SBF2: variants seen among roughly 807,000 people sequenced by gnomAD.
The protein encoded by SBF2 is SET binding factor 2.
Under a neutral mutation model 225.2 loss-of-function variants are expected in SBF2, and 112 were observed. The observed-to-expected ratio is 0.50, with a 90% confidence interval of 0.43 to 0.58. The LOEUF is 0.58. SBF2 is among the 20% of genes least tolerant of loss of function. SBF2 has a pLI of 0.00. For synonymous variants in SBF2, 763 were observed against 773.3 expected (o/e 0.99, Z 0.22); for missense variants, 1,996 against 2,206.2 (o/e 0.90, Z 1.91).
In SBF2 at chr11:9,863,014, C is replaced by A. The variant is rs1324425374; in HGVS notation, c.1930-4618G>T. Among the ~76,000 whole-genome samples, 5 of 151,748 alleles carry A rather than the reference C, an allele frequency of 3.3e-5. No individual in the cohort carries two copies. The East Asian group carries it at 9.7e-4, about 29-fold the overall frequency. ...TTCATAATAATTTTTAAGATTCTGT[C>A]CTAAAAAAAAAAGTGGTATTGTGCC... is the stretch of plus-strand genomic sequence containing the variant. On this transcript the variant is annotated intron_variant, in intron 17 of 39. Transcript: ENST00000256190.
In SBF2 at chr11:9,996,673, G is replaced by A. The variant is rs189271479; in HGVS notation, c.975+1593C>T. Among the ~76,000 whole-genome samples the A allele has an allele frequency of 3.7e-4, 57 of 152,360 alleles. 1 individual carries two copies. Among genetic ancestry groups the A allele is most frequent in the African/African-American group, 1.2e-3 (51 of 41,596 alleles). On this transcript the variant is annotated intron_variant, in intron 9 of 39. Coordinates refer to ENST00000256190, the MANE Select transcript of SBF2 (RefSeq NM_030962.4). Reference sequence around the variant, plus strand: ...CAAAGTGCTGGGATTACAGGCGTGAGCCACCGCACCCTGCCAAACTCGCCT... The same window carrying A: ...CAAAGTGCTGGGATTACAGGCGTGAACCACCGCACCCTGCCAAACTCGCCT...
chr11:10,046,303 C>T (rs749294923), intron 2 of SBF2, among the ~76,000 whole-genome samples: 2 of 152,026 alleles, frequency 1.3e-5, no homozygotes, highest in Non-Finnish European at 2.9e-5. Context: ...ATACTAATAC[C>T]AAAACCAGAT....
chr11:9,960,109 C>T (rs939882204), intron 16 of SBF2: 2 of 176,968 alleles, frequency 1.1e-5, no homozygotes, highest in Non-Finnish European at 2.4e-5. Flanking sequence ...ATTCTCCTAT[C>T]TCAGCTACCT....
Position 10,120,794 on chromosome 11 carries a change from A to AT in SBF2, c.141+73107dup, listed in dbSNP as rs1278754066. On this transcript the variant is annotated intron_variant, in intron 2 of 39. Transcript: ENST00000256190. Reference sequence around the variant, plus strand: ...GCCACCACGCCCAGCTAATTTTTGTATTTTTAGTAGAGATGGGGTTTCACC... The same window carrying AT: ...GCCACCACGCCCAGCTAATTTTTGTATTTTTTAGTAGAGATGGGGTTTCACC... Among the ~76,000 whole-genome samples, 28 of 152,052 alleles carry AT rather than the reference A, an allele frequency of 1.8e-4. 1 individual carries two copies. The highest frequency in any genetic ancestry group is 3.4e-3 in the Middle Eastern group (1 of 294).
intron 2 of SBF2, among the ~76,000 whole-genome samples, chr11:10,090,509 A>G (rs1027199865): frequency 7.2e-5 from 11 of 152,158 alleles, no homozygotes; most frequent in African/African-American, 2.7e-4. Flanking sequence ...TCATGCCTGT[A>G]ATTCCAGCAC....
At chr11:10,032,018 G>C (rs1184757441) in intron 3 of SBF2, among the ~76,000 whole-genome samples, 3 of 152,156 alleles carry the variant, frequency 2.0e-5, no homozygotes, top group Non-Finnish European at 4.4e-5. Flanking sequence ...TGGATTATAG[G>C]TGTGAGCCAT....
At chr11:9,794,676 C>CAAGAAAAAAAAA (rs1852987399) in intron 33 of SBF2, among the ~76,000 whole-genome samples, 1 of 35,348 alleles carries the variant, frequency 2.8e-5, no homozygotes, top group South Asian at 2.3e-3. Flanking sequence ...GACTCCGTCT[C>CAAGAAAAAAAAA]AAAAAAAAAA....
chr11:10,018,614 C>G (rs1948733351), intron 6 of SBF2, among the ~76,000 whole-genome samples: 2 of 151,946 alleles, frequency 1.3e-5, no homozygotes, highest in East Asian at 3.9e-4. Context: ...ATCTACGTGC[C>G]AAAAAAGGAC....
chr11:10,027,839 G>A (rs1949106095), intron 6 of SBF2, among the ~76,000 whole-genome samples: 2 of 152,168 alleles, frequency 1.3e-5, no homozygotes, highest in African/African-American at 2.4e-5. Context: ...TGAGAAGAAT[G>A]AGACTCAGAG....
rs1033704362 is a variant in SBF2 at position 10,132,842 on chromosome 11, G to C, written c.141+61060C>G. Among the ~76,000 whole-genome samples, 5 of 148,694 alleles carry C rather than the reference G, an allele frequency of 3.4e-5. 1 individual carries two copies. The East Asian group carries it at 1.1e-3, about 33-fold the overall frequency. On this transcript the variant is annotated intron_variant, in intron 2 of 39. Coordinates refer to ENST00000256190, the MANE Select transcript of SBF2 (RefSeq NM_030962.4). ...GTTTTGTCAGGGCGCTGATTGGTGC[G>C]TTTACAATCCCTGAGCTAGATACAA...
chr11:10,073,331 C>T (rs1950967948), intron 2 of SBF2, among the ~76,000 whole-genome samples: 1 of 151,910 alleles, frequency 6.6e-6, no homozygotes, highest in African/African-American at 2.4e-5. Context: ...TTAAAATTTT[C>T]AAATTCCTTA....
intron 1 of SBF2, among the ~76,000 whole-genome samples, chr11:10,241,404 CA>C (rs1342592531): frequency 1.3e-5 from 2 of 151,870 alleles, no homozygotes; most frequent in Non-Finnish European, 2.9e-5. Context: ...AAAATTCATC[CA>C]AGGAACTTTG....
chr11:10,238,730 T>C (rs913219397), intron 1 of SBF2, among the ~76,000 whole-genome samples: 5 of 150,536 alleles, frequency 3.3e-5, no homozygotes, highest in African/African-American at 9.7e-5. Context: ...CTAGCCAACA[T>C]GGTGAAACTC....
At chr11:9,876,493 G>A (rs1859251647) in intron 17 of SBF2, among the ~76,000 whole-genome samples, 1 of 152,086 alleles carries the variant, frequency 6.6e-6, no homozygotes, top group Admixed American at 6.5e-5. Flanking sequence ...TTAGTATCCT[G>A]AGATAGAGAG....
In SBF2 at chr11:9,788,641, C is replaced by T. The variant is rs1006406608; in HGVS notation, c.4932+468G>A. On this transcript the variant is annotated intron_variant, in intron 35 of 39. Transcript: ENST00000256190. ...ACGGAGTCTTGCTCTGTCACCCAGG[C>T]TGGAGTGCAGTGGCGTGATCTCTGC... Among the ~76,000 whole-genome samples, 7 of 145,882 alleles carry T rather than the reference C, an allele frequency of 4.8e-5. No individual in the cohort carries two copies. The Admixed American group carries it at 4.9e-4, about 10-fold the overall frequency.
rs189313140 is a variant in SBF2, at chr11:9,890,729, G to A, written c.1929+5214C>T. Among the ~76,000 whole-genome samples the A allele has an allele frequency of 1.3e-3, 197 of 152,232 alleles. 1 individual carries two copies. The highest frequency in any genetic ancestry group is 4.5e-3 in the African/African-American group (187 of 41,538). On this transcript the variant is annotated intron_variant, in intron 17 of 39. Transcript: ENST00000256190. Reference sequence around the variant, plus strand: ...ATGTGCCTCAAAGAAGTAATGGGACGGCTTTGCCATATTTTGACAGATTCC... The same window carrying A: ...ATGTGCCTCAAAGAAGTAATGGGACAGCTTTGCCATATTTTGACAGATTCC...
At chr11:10,264,007 G>A (rs1428008229) in intron 1 of SBF2, among the ~76,000 whole-genome samples, 1 of 152,114 alleles carries the variant, frequency 6.6e-6, no homozygotes, top group Non-Finnish European at 1.5e-5. Flanking sequence ...GATAATCCAA[G>A]GTGCTTATGT....
Position 10,028,702 on chromosome 11 carries a change from A to C in SBF2, c.514-145T>G, listed in dbSNP as rs1306457328. 2.3e-5 allele frequency: 15 copies of C among 664,706 alleles called. No individual in the cohort carries two copies. The Admixed American group carries it at 3.7e-4, about 16-fold the overall frequency. 41.2% of individuals were successfully genotyped at this position (664,706 alleles called of 1,614,324 possible). On this transcript the variant is annotated intron_variant, in intron 5 of 39. Transcript: ENST00000256190. ...TACAAAAGGCAACAATGTATATCCC[A>C]AAACATTTAAGTTCTTTGTATACTT...
chr11:9,801,271 G>C (rs1853477106), intron 32 of SBF2, among the ~76,000 whole-genome samples: 1 of 152,118 alleles, frequency 6.6e-6, no homozygotes, highest in Admixed American at 6.5e-5. Flanking sequence ...AAGCATTTTA[G>C]TTTTGTTTTT....
Sources: gnomAD v4.1 joint callset for allele counts (sites outside exome capture counted in the v4.1 genomes callset) on GRCh38, gnomAD v4.1.1 for gene constraint, MANE v1.5 for transcripts, NCBI Gene and HGNC (gene_info 2026-07-23, HGNC 2026-07-21) for gene names.